The following NKAIN2 variants were observed in gnomAD, a reference collection of about 807,000 sequenced individuals.
NKAIN2 encodes sodium/potassium transporting ATPase interacting 2.
In NKAIN2, 14 loss-of-function variants were observed where a neutral mutation model predicts 32.6. The observed-to-expected ratio is 0.43, with a 90% CI of 0.28 to 0.67. NKAIN2 has a LOEUF of 0.67. Among genes scored for constraint, NKAIN2 ranks in the 30% least tolerant of loss-of-function variants. The pLI, the probability that NKAIN2 is intolerant of heterozygous loss-of-function variation, is 0.17. For synonymous variants in NKAIN2, 80 were observed against 87.2 expected, an observed-to-expected ratio of 0.92 and a Z score of 0.46; for missense variants, 198 against 258.3, an observed-to-expected ratio of 0.77 and a Z score of 1.60.
chr6:124,606,233 G>GA (rs996442748), intron 3 of NKAIN2, among the ~76,000 whole-genome samples: 14 of 147,012 alleles, frequency 9.5e-5, no homozygotes, highest in South Asian at 4.3e-4. Flanking sequence ...TGATCTCAGA[G>GA]AAAAAAAAAA....
At chr6:124,784,574 T>C (rs977581399) in intron 4 of NKAIN2, among the ~76,000 whole-genome samples, 40 of 152,170 alleles carry the variant, frequency 2.6e-4, no homozygotes, top group Non-Finnish European at 5.4e-4. Flanking sequence ...TTCCTTTTTC[T>C]TGCTGAGTAA....
chr6:124,002,270 G>A (rs569196968), intron 1 of NKAIN2, among the ~76,000 whole-genome samples: 1 of 152,110 alleles, frequency 6.6e-6, no homozygotes, highest in Admixed American at 6.5e-5. Flanking sequence ...TACGTGGTTG[G>A]GGATAGAGGG....
At chr6:124,544,642 T>G (rs1305553127) in intron 3 of NKAIN2, among the ~76,000 whole-genome samples, 1 of 151,760 alleles carries the variant, frequency 6.6e-6, no homozygotes, top group Non-Finnish European at 1.5e-5. Context: ...CGAACCTCAA[T>G]GCATTTGAAG....
intron 1 of NKAIN2, among the ~76,000 whole-genome samples, chr6:123,829,602 A>G (rs957274608): frequency 5.3e-5 from 8 of 152,124 alleles, no homozygotes; most frequent in African/African-American, 1.7e-4. Flanking sequence ...GAAATGCTAC[A>G]TAGTACTCTT....
chr6:124,072,290 A>G (rs745338055), intron 1 of NKAIN2, among the ~76,000 whole-genome samples: 3 of 152,246 alleles, frequency 2.0e-5, no homozygotes, highest in Admixed American at 6.5e-5. Flanking sequence ...GCTCATGGAC[A>G]TAAAGATGGG....
At chr6:124,518,658 C>T (rs1476009412) in intron 3 of NKAIN2, among the ~76,000 whole-genome samples, 2 of 152,130 alleles carry the variant, frequency 1.3e-5, no homozygotes, top group Non-Finnish European at 1.5e-5. Flanking sequence ...CTAGTCCCCT[C>T]CAGCATTGGG....
chr6:124,321,854 C>T (rs2753172), intron 2 of NKAIN2, among the ~76,000 whole-genome samples: 64,310 of 152,012 alleles, frequency 0.42, 18,354 homozygotes, highest in African/African-American at 0.82. Flanking sequence ...AAACAAATCA[C>T]TTAATATGGT....
intron 1 of NKAIN2, among the ~76,000 whole-genome samples, chr6:124,219,051 G>T (rs551747544): frequency 1.4e-3 from 214 of 152,018 alleles, no homozygotes; most frequent in Admixed American, 2.0e-3. Flanking sequence ...CCACCTCCAT[G>T]ATGCAATCAC....
intron 1 of NKAIN2, among the ~76,000 whole-genome samples, chr6:123,879,479 C>T (rs1773346238): frequency 6.6e-6 from 1 of 152,120 alleles, no homozygotes; most frequent in African/African-American, 2.4e-5. Flanking sequence ...TCTCATTGCT[C>T]ATGTAATATT....
At chr6:124,690,585 AAC>A (rs1231851643) in intron 4 of NKAIN2, among the ~76,000 whole-genome samples, 2 of 152,146 alleles carry the variant, frequency 1.3e-5, no homozygotes, top group African/African-American at 4.8e-5. Context: ...TATCAAGTTG[AAC>A]AGTTTAACTT....
chr6:124,723,384 C>A (rs1180510077), intron 4 of NKAIN2, among the ~76,000 whole-genome samples: 1 of 152,052 alleles, frequency 6.6e-6, no homozygotes, highest in Admixed American at 6.6e-5. Flanking sequence ...GGGTGAGTAT[C>A]ACATATATAA....
In NKAIN2 at chr6:123,883,395, T is replaced by A. The variant is rs974244258; in HGVS notation, c.54+79141T>A. On this transcript the variant is annotated intron_variant, in intron 1 of 6. Coordinates refer to ENST00000368417, the MANE Select transcript of NKAIN2 (RefSeq NM_001040214.3). ...CTCCTGACCTCGTGATTCACCCGCC[T>A]CGGCCTCCCAAAGTGCTGGGATTAC... Among the ~76,000 whole-genome samples the A allele has an allele frequency of 4.6e-5, 7 of 152,256 alleles. No individual in the cohort carries two copies. In the South Asian group the frequency reaches 1.0e-3, roughly 23 times the overall value.
At chr6:124,634,601 G>A (rs1438657370) in intron 3 of NKAIN2, among the ~76,000 whole-genome samples, 1 of 152,012 alleles carries the variant, frequency 6.6e-6, no homozygotes, top group Admixed American at 6.5e-5. Context: ...ATACAATTAA[G>A]TAAACAAATA....
At chr6:124,169,642 G>T (rs79678373) in intron 1 of NKAIN2, among the ~76,000 whole-genome samples, 3 of 152,112 alleles carry the variant, frequency 2.0e-5, no homozygotes, top group African/African-American at 7.2e-5. Flanking sequence ...TCATTGGCCT[G>T]CCTTGCTCCT....
intron 4 of NKAIN2, among the ~76,000 whole-genome samples, chr6:124,707,444 T>G (rs560522003): frequency 2.0e-5 from 3 of 150,504 alleles, no homozygotes; most frequent in African/African-American, 4.9e-5. Context: ...TGAACTAGTT[T>G]ACAGTCCCAC....
intron 3 of NKAIN2, among the ~76,000 whole-genome samples, chr6:124,512,848 A>T (rs942398738): frequency 2.0e-5 from 3 of 152,206 alleles, no homozygotes; most frequent in African/African-American, 7.2e-5. Context: ...TACTGATAGG[A>T]GGGACGGTTA....
At chr6:124,268,858 C>A (rs866465620) in intron 1 of NKAIN2, among the ~76,000 whole-genome samples, 4 of 152,084 alleles carry the variant, frequency 2.6e-5, no homozygotes, top group Middle Eastern at 3.4e-3. Context: ...AGCCATGTAA[C>A]CTTGGTCAAG....
rs185970580 is a variant in NKAIN2, at chr6:124,231,719, G to A, written c.55-51286G>A. ...CCACCTTGCCTTCTGCCATGATTGCGAGGCCTCCCCAGCCATATGGAACTG... is the reference window on the plus strand; with the variant it reads ...CCACCTTGCCTTCTGCCATGATTGCAAGGCCTCCCCAGCCATATGGAACTG... On this transcript the variant is annotated intron_variant, in intron 1 of 6. Transcript: ENST00000368417. 1.1e-4 allele frequency among the ~76,000 whole-genome samples: 17 copies of A among 152,102 alleles called. No homozygotes were observed. In the East Asian group the frequency reaches 1.9e-3, roughly 17 times the overall value.
intron 3 of NKAIN2, among the ~76,000 whole-genome samples, chr6:124,412,620 C>T (rs998193627): frequency 2.0e-5 from 3 of 152,154 alleles, no homozygotes; most frequent in African/African-American, 7.2e-5. Context: ...ACTCAGGGGT[C>T]GGGGACCCAC....
Sources: gnomAD v4.1 joint callset for allele counts (sites outside exome capture counted in the v4.1 genomes callset) on GRCh38, gnomAD v4.1.1 for gene constraint, MANE v1.5 for transcripts, NCBI Gene and HGNC (gene_info 2026-07-23, HGNC 2026-07-21) for gene names.